TFEC: variants seen among roughly 807,000 people sequenced by gnomAD.
TFEC encodes the protein transcription factor EC.
Under a neutral mutation model 41.6 loss-of-function variants are expected in TFEC, and 31 were observed. That is an observed-to-expected ratio of 0.74 (90% CI 0.56 to 1.01). The LOEUF (loss-of-function observed/expected upper bound fraction) is 1.01. Ranked by LOEUF, TFEC falls within the 50% of genes least tolerant of loss-of-function variation. The pLI is 0.00. For missense variants in TFEC, 402 were observed against 404.1 expected (o/e 0.99, Z 0.04); for synonymous variants, 143 against 140.6 (o/e 1.02, Z -0.12).
chr7:116,032,382 C>T (rs1351688346), upstream of TFEC, among the ~76,000 whole-genome samples: 7 of 152,068 alleles, frequency 4.6e-5, no homozygotes, highest in African/African-American at 1.7e-4. Context: ...CACATGCACA[C>T]GTATGTTCAC....
chr7:116,013,491 A>G (rs997636806), intron 1 of TFEC, among the ~76,000 whole-genome samples: 1 of 152,142 alleles, frequency 6.6e-6, no homozygotes, highest in Non-Finnish European at 1.5e-5. Flanking sequence ...TGAAAGCTTC[A>G]GAATGCAAAA....
intron 3 of TFEC, among the ~76,000 whole-genome samples, chr7:116,096,055 C>G (rs949965965): frequency 2.0e-5 from 3 of 152,158 alleles, no homozygotes; most frequent in Admixed American, 2.0e-4. Flanking sequence ...GAACTTAATA[C>G]GTCTTAAATA....
intron 3 of TFEC, among the ~76,000 whole-genome samples, chr7:116,106,937 C>T (rs778324852): frequency 1.3e-5 from 2 of 152,128 alleles, no homozygotes; most frequent in Non-Finnish European, 2.9e-5. Context: ...TCCTGTTCCC[C>T]ATCAGAAACA....
upstream of TFEC, among the ~76,000 whole-genome samples, chr7:116,032,862 C>T (rs928136285): frequency 1.4e-4 from 21 of 152,016 alleles, no homozygotes; most frequent in African/African-American, 4.1e-4. Context: ...AAAAATCATG[C>T]ATGTCGTTTC....
At position 115,938,686 on chromosome 7, in the gene TFEC, G is replaced by C. The variant is rs551533127; in HGVS notation, c.*1865C>G. ...TAGTGACATATTTTCCATGTGAGAA[G>C]CAACTAAAAGATCCTTTCAAAATTT... On this transcript the variant is annotated 3_prime_UTR_variant, in exon 8 of 8. Coordinates refer to ENST00000265440, the MANE Select transcript of TFEC (RefSeq NM_012252.4). 6.6e-6 allele frequency: 1 copy of C among 151,826 alleles called. No individual in the cohort carries two copies. 9.4% of individuals were successfully genotyped at this position (151,826 alleles called of 1,614,324 possible).
intron 1 of TFEC, among the ~76,000 whole-genome samples, chr7:116,012,648 A>C (rs9886334): frequency 0.029 from 4,386 of 152,198 alleles, 198 homozygotes; most frequent in African/African-American, 0.098. Flanking sequence ...ATTCTGTTGC[A>C]AATACAGTAT....
chr7:115,981,979 T>TG (rs1793651096), intron 2 of TFEC, among the ~76,000 whole-genome samples: 1 of 152,186 alleles, frequency 6.6e-6, no homozygotes, highest in Admixed American at 6.6e-5. Context: ...CCATGTGCTA[T>TG]GGGTAGAAGT....
Position 116,060,339 on chromosome 7 carries a change from C to T in TFEC, c.198+50369G>A, listed in dbSNP as rs138067487. Among the ~76,000 whole-genome samples, 16 of 152,182 alleles carry T rather than the reference C, an allele frequency of 1.1e-4. No individual in the cohort carries two copies. The East Asian group carries it at 2.1e-3, about 20-fold the overall frequency. ...AAGGACTAAAAGCAGAACTACCATT[C>T]GACCTAGCAATCCCATTACTGGATA... On this transcript the variant is annotated intron_variant, in intron 3 of 8. Coordinates refer to the TFEC transcript ENST00000484212.
chr7:116,089,638 T>C (rs1476213176), intron 3 of TFEC, among the ~76,000 whole-genome samples: 3 of 152,044 alleles, frequency 2.0e-5, no homozygotes, highest in Non-Finnish European at 4.4e-5. Context: ...ACCTCTCATA[T>C]AAGGCAGCTT....
intron 3 of TFEC, among the ~76,000 whole-genome samples, chr7:115,966,293 C>G (rs1200453369): frequency 6.6e-6 from 1 of 151,562 alleles, no homozygotes; most frequent in Non-Finnish European, 1.5e-5. Context: ...AGACTTCAAA[C>G]CCTAGCGGCA....
At chr7:116,103,395 A>G (rs959406848) in intron 3 of TFEC, among the ~76,000 whole-genome samples, 2 of 152,194 alleles carry the variant, frequency 1.3e-5, no homozygotes, top group Non-Finnish European at 2.9e-5. Flanking sequence ...ACAGGTCTCA[A>G]AAAAGTTGTG....
At chr7:116,102,957 CA>C (rs1391428359) in intron 3 of TFEC, among the ~76,000 whole-genome samples, 1 of 152,170 alleles carries the variant, frequency 6.6e-6, no homozygotes, top group Non-Finnish European at 1.5e-5. Flanking sequence ...AATCCAGAAA[CA>C]GTTTTAAGGA....
chr7:115,971,120 T>C (rs1793114040), intron 3 of TFEC, among the ~76,000 whole-genome samples: 1 of 152,060 alleles, frequency 6.6e-6, no homozygotes, highest in South Asian at 2.1e-4. Context: ...CTTTCTTGGT[T>C]CTCACTCTTA....
At chr7:116,113,837 G>A (rs1479969254) in intron 1 of TFEC, among the ~76,000 whole-genome samples, 1 of 151,888 alleles carries the variant, frequency 6.6e-6, no homozygotes, top group Non-Finnish European at 1.5e-5. Context: ...TAACTCTCAG[G>A]TCTCAGATTT....
At chr7:116,153,901 A>G (rs574249647) in intron 1 of TFEC, among the ~76,000 whole-genome samples, 15 of 152,342 alleles carry the variant, frequency 9.8e-5, no homozygotes, top group Non-Finnish European at 2.2e-4. Flanking sequence ...AAGTGGCCTG[A>G]TAACACATGT....
chr7:116,078,505 A>G (rs997054565), intron 3 of TFEC, among the ~76,000 whole-genome samples: 2 of 152,128 alleles, frequency 1.3e-5, no homozygotes, highest in African/African-American at 4.8e-5. Context: ...AGGAGATATT[A>G]CAACTGATAC....
intron 2 of TFEC, among the ~76,000 whole-genome samples, chr7:115,981,611 G>GA (rs1049008476): frequency 6.6e-6 from 1 of 152,000 alleles, no homozygotes; most frequent in Non-Finnish European, 1.5e-5. Context: ...ATAAGAAAAA[G>GA]AAAAAAGGCA....
Position 116,026,937 on chromosome 7 carries a change from T to C in TFEC, c.-73+3696A>G, listed in dbSNP as rs561477030. 7.6e-4 allele frequency among the ~76,000 whole-genome samples: 115 copies of C among 152,296 alleles called. 2 individuals carry two copies. The South Asian group carries it at 0.023, about 30-fold the overall frequency. ...GAAACACTAGAGAGTATTACTAAAA[T>C]ATCAGATGCCTCTTAGCCAAATGTT... is the stretch of plus-strand genomic sequence containing the variant. On this transcript the variant is annotated intron_variant, in intron 1 of 7. Transcript: ENST00000265440.
intron 1 of TFEC, among the ~76,000 whole-genome samples, chr7:116,120,697 T>C (rs926923799): frequency 1.3e-5 from 2 of 151,990 alleles, no homozygotes; most frequent in Non-Finnish European, 2.9e-5. Flanking sequence ...TGTTCACAGT[T>C]CCTAAATAGT....
Sources: gnomAD v4.1 joint callset for allele counts (sites outside exome capture counted in the v4.1 genomes callset) on GRCh38, gnomAD v4.1.1 for gene constraint, MANE v1.5 for transcripts, NCBI Gene and HGNC (gene_info 2026-07-23, HGNC 2026-07-21) for gene names.